NDUFAF2: variants seen among roughly 807,000 people sequenced by gnomAD.
NDUFAF2 encodes NADH dehydrogenase [ubiquinone] 1 alpha subcomplex assembly factor 2.
A neutral mutation model predicts 22.8 loss-of-function variants in NDUFAF2; 13 were observed. The observed-to-expected ratio is 0.57, with a 90% CI of 0.37 to 0.91. The LOEUF is 0.91. NDUFAF2 is among the 40% of genes least tolerant of loss of function. The pLI is 0.01. For synonymous variants in NDUFAF2, 53 were observed against 64.2 expected (o/e 0.83, Z 0.84); for missense variants, 162 against 195.2 (o/e 0.83, Z 1.01).
chr5:60,967,257 T>C (rs1750769433), intron 1 of NDUFAF2, among the ~76,000 whole-genome samples: 1 of 152,032 alleles, frequency 6.6e-6, no homozygotes, highest in African/African-American at 2.4e-5. Flanking sequence ...TAGAATTTTT[T>C]AAGAATATAA....
At chr5:61,101,374 T>C (rs1752703722) in intron 3 of NDUFAF2, among the ~76,000 whole-genome samples, 1 of 152,202 alleles carries the variant, frequency 6.6e-6, no homozygotes, top group South Asian at 2.1e-4. Context: ...TTCACCTAAA[T>C]GTACATTATA....
intron 1 of NDUFAF2, among the ~76,000 whole-genome samples, chr5:61,059,794 A>G (rs74402060): frequency 0.03 from 4,542 of 152,170 alleles, 203 homozygotes; most frequent in East Asian, 0.22. Context: ...TAAAAATATT[A>G]TCTGTGGAGA....
chr5:60,955,591 T>C (rs1750605197), intron 1 of NDUFAF2, among the ~76,000 whole-genome samples: 1 of 152,196 alleles, frequency 6.6e-6, no homozygotes, highest in African/African-American at 2.4e-5. Flanking sequence ...TTGTTGTTTC[T>C]ATTTCTGGAA....
chr5:61,145,331 G>T (rs1561139288), intron 3 of NDUFAF2, among the ~76,000 whole-genome samples: 4 of 152,094 alleles, frequency 2.6e-5, no homozygotes, highest in African/African-American at 9.7e-5. Context: ...CAAAAACAAT[G>T]ATGAGCTTGT....
intron 3 of NDUFAF2, among the ~76,000 whole-genome samples, chr5:61,146,881 G>T (rs1450590347): frequency 6.6e-6 from 1 of 151,998 alleles, no homozygotes; most frequent in Non-Finnish European, 1.5e-5. Context: ...CTTATATTCA[G>T]ATTCACTGTT....
At chr5:60,986,632 T>C (rs1751081878) in intron 1 of NDUFAF2, among the ~76,000 whole-genome samples, 2 of 151,674 alleles carry the variant, frequency 1.3e-5, no homozygotes, top group African/African-American at 2.4e-5. Flanking sequence ...CTGAAGGAGA[T>C]TGAAACATGA....
chr5:61,064,373 G>T (rs1752203970), intron 1 of NDUFAF2, among the ~76,000 whole-genome samples: 1 of 152,068 alleles, frequency 6.6e-6, no homozygotes, highest in Non-Finnish European at 1.5e-5. Context: ...TACTGGACTT[G>T]AATTGCACTT....
chr5:61,095,294 C>G (rs1370743907), intron 2 of NDUFAF2, among the ~76,000 whole-genome samples: 1 of 152,224 alleles, frequency 6.6e-6, no homozygotes, highest in African/African-American at 2.4e-5. Context: ...CCTTTTGTTT[C>G]TGGTCGGTTT....
chr5:61,109,810 T>C (rs538793483), intron 3 of NDUFAF2, among the ~76,000 whole-genome samples: 5 of 152,254 alleles, frequency 3.3e-5, no homozygotes, highest in Admixed American at 1.3e-4. Context: ...CCACCATAAT[T>C]GTAAGTTTCC....
rs1361332952 is a variant in NDUFAF2 at position 61,152,775 on chromosome 5, A to G, written c.330A>G (p.Lys110=). The part of the protein sequence containing the change: ...IKSQDFYEKE[K]LLSKETSEEL... ...GCCAAGATTTTTATGAAAAAGAAAA[A>G]CTCCTTAGTAAAGAGACCAGTGAGG... is the stretch of plus-strand genomic sequence containing the variant. Residue 110 remains lysine, a synonymous_variant, in exon 4 of 4, where the codon AAA becomes AAG. Transcript: ENST00000296597. 4 of 1,587,472 alleles carry G rather than the reference A, an allele frequency of 2.5e-6. No homozygotes were observed. The African/African-American group carries it at 5.5e-5, about 22-fold the overall frequency.
At chr5:61,057,681 C>T (rs1242173552) in intron 1 of NDUFAF2, among the ~76,000 whole-genome samples, 2 of 152,236 alleles carry the variant, frequency 1.3e-5, no homozygotes, top group East Asian at 3.9e-4. Flanking sequence ...TAAATTGAAC[C>T]TCTAAAGAGG....
At chr5:61,092,504 C>G (rs1206308650) in intron 2 of NDUFAF2, among the ~76,000 whole-genome samples, 1 of 152,066 alleles carries the variant, frequency 6.6e-6, no homozygotes, top group East Asian at 1.9e-4. Context: ...ATTTGGCTCT[C>G]TGCTTGAGTT....
intron 1 of NDUFAF2, among the ~76,000 whole-genome samples, chr5:60,947,853 A>G (rs1750484228): frequency 6.6e-6 from 1 of 152,106 alleles, no homozygotes; most frequent in South Asian, 2.1e-4. Flanking sequence ...TAGAGATACA[A>G]TACCATTAAA....
At chr5:60,946,402 C>A (rs1020158446) in intron 1 of NDUFAF2, among the ~76,000 whole-genome samples, 1 of 152,130 alleles carries the variant, frequency 6.6e-6, no homozygotes, top group African/African-American at 2.4e-5. Flanking sequence ...AAAATGTATT[C>A]TGTGATTTAT....
rs199759059 is a variant in NDUFAF2, at chr5:61,044,201, A to AT, written c.128-28913dup. Among the ~76,000 whole-genome samples, 1,507 of 145,434 alleles carry AT rather than the reference A, an allele frequency of 0.01. 103 individuals are homozygous for AT. The East Asian group carries it at 0.17, about 16-fold the overall frequency. ...CCTTTGCTTATTTTTTAATCAGGTT[A>AT]TTTTTTTTTTTACTGTTGAATGAGT... On this transcript the variant is annotated intron_variant, in intron 1 of 3. Coordinates refer to ENST00000296597, the MANE Select transcript of NDUFAF2 (RefSeq NM_174889.5).
chr5:61,012,246 C>T (rs1471334831), intron 1 of NDUFAF2, among the ~76,000 whole-genome samples: 2 of 151,352 alleles, frequency 1.3e-5, no homozygotes, highest in African/African-American at 4.9e-5. Flanking sequence ...GACCTTATCT[C>T]CACCCAGACC....
At chr5:60,962,609 G>C (rs941601693) in intron 1 of NDUFAF2, among the ~76,000 whole-genome samples, 1 of 152,084 alleles carries the variant, frequency 6.6e-6, no homozygotes, top group African/African-American at 2.4e-5. Context: ...GAGGTGGGCA[G>C]ATCACGAGGT....
At chr5:61,024,589 A>C (rs1751627149) in intron 1 of NDUFAF2, among the ~76,000 whole-genome samples, 1 of 152,054 alleles carries the variant, frequency 6.6e-6, no homozygotes, top group Admixed American at 6.6e-5. Context: ...ATAATTGAGA[A>C]ATAGAGAAAG....
intron 1 of NDUFAF2, among the ~76,000 whole-genome samples, chr5:61,044,552 G>A (rs970737725): frequency 6.6e-6 from 1 of 152,062 alleles, no homozygotes; most frequent in African/African-American, 2.4e-5. Context: ...TGTATATCCA[G>A]TTTTTCCAAC....
Sources: allele counts gnomAD v4.1 joint callset (sites outside exome capture counted in the v4.1 genomes callset), GRCh38; gene constraint gnomAD v4.1.1; transcripts MANE v1.5; gene names NCBI Gene and HGNC (gene_info 2026-07-23, HGNC 2026-07-21).